SLC7A14: variants seen among roughly 807,000 people sequenced by gnomAD.
SLC7A14 encodes the protein solute carrier family 7 member 14, also known as gamma-aminobutyric acid transporter SLC7A14.
A neutral mutation model predicts 60.2 loss-of-function variants in SLC7A14; 37 were observed. The observed-to-expected ratio is 0.61, with a 90% confidence interval of 0.47 to 0.81. SLC7A14 has a LOEUF of 0.81. Ranked by LOEUF, SLC7A14 falls within the 30% of genes least tolerant of loss-of-function variation. The pLI, the probability that SLC7A14 is intolerant of heterozygous loss-of-function variation, is 0.00. For synonymous variants in SLC7A14, 399 were observed against 395.8 expected (o/e 1.01, Z -0.10); for missense variants, 886 against 982.7 (o/e 0.90, Z 1.32).
chr3:170,507,270 T>C (rs1388053641), intron 2 of SLC7A14, among the ~76,000 whole-genome samples: 1 of 152,218 alleles, frequency 6.6e-6, no homozygotes, highest in African/African-American at 2.4e-5. Flanking sequence ...GGAAGTGCAA[T>C]GAATGACAGA....
intron 4 of SLC7A14, among the ~76,000 whole-genome samples, chr3:170,497,641 T>TC (rs1481196202): frequency 2.6e-5 from 4 of 152,230 alleles, no homozygotes; most frequent in Non-Finnish European, 4.4e-5. Flanking sequence ...CCAGGTAACC[T>TC]CTAAGGTCCC....
At chr3:170,479,152 T>TAACAAC (rs71300473) in intron 7 of SLC7A14, among the ~76,000 whole-genome samples, 1,649 of 150,568 alleles carry the variant, frequency 0.011, 26 homozygotes, top group African/African-American at 0.03. Context: ...AACAAACAAA[T>TAACAAC]AACAACAACA....
At chr3:170,501,671 T>C (rs1016690623) in intron 2 of SLC7A14, among the ~76,000 whole-genome samples, 4 of 152,156 alleles carry the variant, frequency 2.6e-5, no homozygotes, top group African/African-American at 7.2e-5. Context: ...ATGGGCCCAA[T>C]TCATCACGAC....
intron 1 of SLC7A14, among the ~76,000 whole-genome samples, chr3:170,573,696 G>T (rs1295114267): frequency 6.6e-6 from 1 of 152,222 alleles, no homozygotes; most frequent in East Asian, 1.9e-4. Context: ...GAAACAGAGA[G>T]AACAAGACCC....
chr3:170,499,403 G>A (rs1454606632), intron 3 of SLC7A14, among the ~76,000 whole-genome samples: 1 of 152,098 alleles, frequency 6.6e-6, no homozygotes, highest in Middle Eastern at 3.4e-3. Context: ...AGATGATCTG[G>A]TATCCTGGAC....
At chr3:170,509,047 G>A (rs1049319403) in intron 2 of SLC7A14, among the ~76,000 whole-genome samples, 32 of 152,164 alleles carry the variant, frequency 2.1e-4, no homozygotes, top group Admixed American at 8.5e-4. Context: ...GGTTAGCCAC[G>A]AAAACTGTGG....
chr3:170,562,521 A>T (rs1714682179), intron 1 of SLC7A14, among the ~76,000 whole-genome samples: 1 of 152,122 alleles, frequency 6.6e-6, no homozygotes, highest in Admixed American at 6.6e-5. Context: ...GGGATAAAAG[A>T]CTACAAATTG....
intron 4 of SLC7A14, 93 bp from the exon 5 acceptor site, chr3:170,486,461 C>A: frequency 6.6e-7 from 1 of 1,519,986 alleles, no homozygotes; most frequent in South Asian, 1.2e-5. Context: ...GCCCTGCAGA[C>A]ATGACTGAGT....
chr3:170,499,236 C>CAAAAAAAAAAAAAAAAA lies in SLC7A14; in HGVS notation c.542-369_542-353dup, dbSNP rs11336080. 3.3e-4 allele frequency among the ~76,000 whole-genome samples: 20 copies of CAAAAAAAAAAAAAAAAA among 59,914 alleles called. 1 individual carries two copies. The highest frequency in any genetic ancestry group is 2.0e-3 in the African/African-American group (19 of 9,660). 39.3% of individuals were successfully genotyped at this position (59,914 alleles called of 152,430 possible). On this transcript the variant is annotated intron_variant, in intron 3 of 7. Transcript: ENST00000231706. The stretch of plus-strand genomic sequence containing the variant: ...TGGGGGACAGAGTGAGACTCTGTCT[C>CAAAAAAAAAAAAAAAAA]AAAAAAAAAAAAAAAAAAAAAAAAA...
At chr3:170,531,685 T>C (rs1713685021) in intron 1 of SLC7A14, among the ~76,000 whole-genome samples, 1 of 152,206 alleles carries the variant, frequency 6.6e-6, no homozygotes, top group Admixed American at 6.5e-5. Context: ...TACCCCCAGA[T>C]TATGTTAATC....
intron 1 of SLC7A14, among the ~76,000 whole-genome samples, chr3:170,567,479 G>T (rs950700355): frequency 6.6e-6 from 1 of 151,950 alleles, no homozygotes; most frequent in African/African-American, 2.4e-5. Flanking sequence ...ACGTGTGCAT[G>T]TGTCTTTGTA....
chr3:170,470,350 G>T (rs1487649557), intron 7 of SLC7A14, among the ~76,000 whole-genome samples: 1 of 149,510 alleles, frequency 6.7e-6, no homozygotes, highest in East Asian at 1.9e-4. Context: ...ATGTGTGTGT[G>T]TCTGTGTCTG....
intron 2 of SLC7A14, among the ~76,000 whole-genome samples, chr3:170,519,024 C>A (rs543297057): frequency 6.6e-6 from 1 of 152,056 alleles, no homozygotes; most frequent in Non-Finnish European, 1.5e-5. Flanking sequence ...GCATTACTGA[C>A]GCTTTTTTGA....
At chr3:170,582,116 A>T (rs1715251469) in intron 1 of SLC7A14, among the ~76,000 whole-genome samples, 1 of 152,206 alleles carries the variant, frequency 6.6e-6, no homozygotes, top group Non-Finnish European at 1.5e-5. Context: ...TAAGTAAGAC[A>T]TGCACACTCC....
chr3:170,486,312 G>A lies in SLC7A14; in HGVS notation c.816C>T (p.Ala272=). The A allele has an allele frequency of 6.2e-7, 1 of 1,614,238 alleles. No individual in the cohort carries two copies. Among genetic ancestry groups the A allele is most frequent in the East Asian group, 2.2e-5 (1 of 44,880 alleles). ...FYAFIGFDII[A]TTGEEAKNPN... ...GATTCTTGGCTTCCTCTCCAGTGGT[G>A]GCGATGATGTCAAAGCCAATGAAAG... is the stretch of plus-strand genomic sequence containing the variant. Residue 272 remains alanine (A), a synonymous_variant, in exon 5 of 8, where the codon GCC becomes GCT. Coordinates refer to ENST00000231706, the MANE Select transcript of SLC7A14 (RefSeq NM_020949.3).
chr3:170,581,552 T>A (rs1327434830), intron 1 of SLC7A14, among the ~76,000 whole-genome samples: 1 of 152,120 alleles, frequency 6.6e-6, no homozygotes, highest in Admixed American at 6.5e-5. Context: ...ATAACTAAAT[T>A]TTTTCTTCAC....
chr3:170,496,583 G>C, intron 4 of SLC7A14: 1 of 1,597,322 alleles, frequency 6.3e-7, no homozygotes, highest in Non-Finnish European at 8.6e-7. Context: ...AACTGGCCCT[G>C]GACATGGAGA....
At chr3:170,470,207 C>T (rs1739848414) in intron 7 of SLC7A14, among the ~76,000 whole-genome samples, 1 of 152,080 alleles carries the variant, frequency 6.6e-6, no homozygotes, top group Non-Finnish European at 1.5e-5. Context: ...CACACCTCCT[C>T]TCCCCTCCCC....
In SLC7A14 at chr3:170,460,849, C is replaced by T. The variant is rs116045434; in HGVS notation, c.*6206G>A. The T allele has an allele frequency of 1.5e-3, 224 of 152,278 alleles. No homozygotes were observed. The highest frequency in any genetic ancestry group is 5.3e-3 in the African/African-American group (219 of 41,548). 9.4% of individuals were successfully genotyped at this position (152,278 alleles called of 1,614,324 possible). A position where few individuals can be genotyped will look rare whatever the true frequency, so the allele number is the denominator to read the frequency against. On this transcript the variant is annotated 3_prime_UTR_variant, in exon 8 of 8. Transcript: ENST00000231706. ...ACCTGTTGTCCGAAGACCTTAAGCC[C>T]AAAGCTATCTGTGAAAGTCCTATAG...
Sources: allele counts gnomAD v4.1 joint callset (sites outside exome capture counted in the v4.1 genomes callset), GRCh38; gene constraint gnomAD v4.1.1; transcripts MANE v1.5; gene names NCBI Gene and HGNC (gene_info 2026-07-23, HGNC 2026-07-21).